GLIS1: variants seen among roughly 807,000 people sequenced by gnomAD.
GLIS1 encodes zinc finger protein GLIS1.
A neutral mutation model predicts 63.8 loss-of-function variants in GLIS1; 24 were observed. That is an observed-to-expected ratio of 0.38 (90% CI 0.27 to 0.53). The LOEUF (loss-of-function observed/expected upper bound fraction) is 0.53. Ranked by LOEUF, GLIS1 falls within the 20% of genes least tolerant of loss-of-function variation. The pLI is 0.85. For missense variants in GLIS1, 1,036 were observed against 1,074.1 expected (o/e 0.96, Z 0.50); for synonymous variants, 450 against 482.5 (o/e 0.93, Z 0.88).
At chr1:53,597,306 G>T (rs1645268535) in intron 3 of GLIS1, among the ~76,000 whole-genome samples, 1 of 149,376 alleles carries the variant, frequency 6.7e-6, no homozygotes, top group African/African-American at 2.5e-5. Flanking sequence ...CCGGGAGGCG[G>T]AGCTTGCAGT....
At chr1:53,737,760 G>A (rs1646925273) in intron 2 of GLIS1, 46 bp downstream of exon 2, 2 of 1,230,234 alleles carry the variant, frequency 1.6e-6, no homozygotes, top group East Asian at 3.2e-5. Context: ...CGGGCAGCCC[G>A]AATCTCCACA....
chr1:53,587,204 A>T (rs1645144775), intron 4 of GLIS1, among the ~76,000 whole-genome samples: 1 of 152,202 alleles, frequency 6.6e-6, no homozygotes, highest in South Asian at 2.1e-4. Flanking sequence ...GAAATAAAGC[A>T]GGCATCCCTG....
In GLIS1 at chr1:53,520,634, C is replaced by T. The variant is rs201101099; in HGVS notation, c.1726G>A (p.Gly576Ser). 176 of 1,606,708 alleles carry T rather than the reference C, an allele frequency of 1.1e-4. No individual in the cohort carries two copies. Among genetic ancestry groups the T allele is most frequent in the Non-Finnish European group, 1.5e-4 (173 of 1,176,942 alleles). The change falls in exon 7 of 11, where the codon GGT becomes AGT. Residue 576 changes from glycine to serine, a missense_variant and splice_region_variant. Coordinates refer to ENST00000628545, the MANE Select transcript of GLIS1 (RefSeq NM_001367484.1). The part of the protein sequence containing the change: ...GCGLGQELLP[G>S]VYPGSITPHN... ...TGGCCCTGCCTCCCCGCACACGTAC[C>T]TGGGAGCAGCTCCTGGCCCAGGCCA...
At chr1:53,726,400 A>C (rs1646806198) in intron 2 of GLIS1, among the ~76,000 whole-genome samples, 1 of 152,214 alleles carries the variant, frequency 6.6e-6, no homozygotes, top group Non-Finnish European at 1.5e-5. Context: ...ACGTCTACTC[A>C]CAGCAGGACT....
At chr1:53,521,259 C>A (rs561131989) in intron 6 of GLIS1, among the ~76,000 whole-genome samples, 3 of 85,808 alleles carry the variant, frequency 3.5e-5, no homozygotes. Flanking sequence ...TAGCTGAGTT[C>A]TGCAGGTGCG....
At chr1:53,670,563 C>T (rs1350800017) in intron 2 of GLIS1, among the ~76,000 whole-genome samples, 2 of 152,220 alleles carry the variant, frequency 1.3e-5, no homozygotes, top group African/African-American at 4.8e-5. Context: ...CACCTTCCAT[C>T]CAACCCCTAA....
intron 2 of GLIS1, among the ~76,000 whole-genome samples, chr1:53,714,597 C>T (rs576223727): frequency 1.7e-4 from 26 of 152,344 alleles, no homozygotes; most frequent in South Asian, 4.1e-4. Flanking sequence ...GTACCAGCTG[C>T]GGGCAGCATC....
At chr1:53,623,247 A>G (rs1328819010) in intron 2 of GLIS1, among the ~76,000 whole-genome samples, 1 of 152,248 alleles carries the variant, frequency 6.6e-6, no homozygotes, top group Non-Finnish European at 1.5e-5. Context: ...AGGTTTAGAG[A>G]GTATAAGGTT....
intron 7 of GLIS1, among the ~76,000 whole-genome samples, chr1:53,518,693 A>G (rs1644376449): frequency 6.6e-6 from 1 of 152,206 alleles, no homozygotes; most frequent in African/African-American, 2.4e-5. Context: ...ATCTGTGATG[A>G]TGAGGACTCA....
chr1:53,612,300 C>T (rs1254214567), intron 2 of GLIS1, among the ~76,000 whole-genome samples: 3 of 151,988 alleles, frequency 2.0e-5, no homozygotes, highest in African/African-American at 7.3e-5. Context: ...AGTGCAGTGG[C>T]GCGATCTCGG....
At chr1:53,697,398 G>A (rs11206194) in intron 2 of GLIS1, among the ~76,000 whole-genome samples, 70,943 of 151,970 alleles carry the variant, frequency 0.47, 19,527 homozygotes, top group Non-Finnish European at 0.6. Context: ...CCTCCCCACC[G>A]TTCTGCCTAA....
intron 4 of GLIS1, among the ~76,000 whole-genome samples, chr1:53,571,439 G>A (rs911730695): frequency 2.6e-5 from 4 of 152,172 alleles, no homozygotes; most frequent in African/African-American, 7.2e-5. Flanking sequence ...TCACAGCAGC[G>A]TTGTTTGTAC....
At chr1:53,591,912 T>TGTAG (rs1303284907) in intron 4 of GLIS1, among the ~76,000 whole-genome samples, 1 of 152,168 alleles carries the variant, frequency 6.6e-6, no homozygotes, top group Non-Finnish European at 1.5e-5. Context: ...GATAGGTGAG[T>TGTAG]GTAGACACAG....
In GLIS1 at chr1:53,616,210, C is replaced by A. The variant is rs144751880; in HGVS notation, c.260-15932G>T. 3.5e-3 allele frequency among the ~76,000 whole-genome samples: 533 copies of A among 152,252 alleles called. 5 individuals are homozygous for A. The highest frequency in any genetic ancestry group is 0.012 in the African/African-American group (513 of 41,528). On this transcript the variant is annotated intron_variant, in intron 2 of 10. Transcript: ENST00000628545. ...ATATGTCCTAGAGCCCCATATAAGC[C>A]CCTGCCCGGCCTAAATTTTCAGGGA...
At chr1:53,637,565 T>A (rs955771498) in intron 2 of GLIS1, among the ~76,000 whole-genome samples, 1 of 152,096 alleles carries the variant, frequency 6.6e-6, no homozygotes, top group African/African-American at 2.4e-5. Flanking sequence ...GATGGCAAAG[T>A]CAAACTGTTG....
intron 4 of GLIS1, among the ~76,000 whole-genome samples, chr1:53,553,679 G>A (rs1314111674): frequency 1.3e-5 from 2 of 152,198 alleles, no homozygotes; most frequent in African/African-American, 2.4e-5. Flanking sequence ...CAGGTGGTCA[G>A]GGAAGGCCTC....
At chr1:53,656,603 C>T (rs111742207) in intron 2 of GLIS1, among the ~76,000 whole-genome samples, 5 of 152,342 alleles carry the variant, frequency 3.3e-5, no homozygotes, top group African/African-American at 1.2e-4. Flanking sequence ...GTGCGATTTG[C>T]AATCTGTGAT....
chr1:53,601,797 C>T (rs2100551985), intron 2 of GLIS1, among the ~76,000 whole-genome samples: 1 of 152,336 alleles, frequency 6.6e-6, no homozygotes, highest in African/African-American at 2.4e-5. Context: ...CCGAGGATCC[C>T]TGTCCCTCAA....
At chr1:53,711,453 T>C (rs1041928312) in intron 2 of GLIS1, among the ~76,000 whole-genome samples, 23 of 152,100 alleles carry the variant, frequency 1.5e-4, no homozygotes, top group Admixed American at 1.4e-3. Context: ...AATAAACAAA[T>C]AAATAAAAGC....
Sources: gnomAD v4.1 joint callset for allele counts (sites outside exome capture counted in the v4.1 genomes callset) on GRCh38, gnomAD v4.1.1 for gene constraint, MANE v1.5 for transcripts, NCBI Gene and HGNC (gene_info 2026-07-23, HGNC 2026-07-21) for gene names.